The following NUP93 variants were observed in gnomAD, a reference collection of about 807,000 sequenced individuals.
The protein encoded by NUP93 is nucleoporin 93.
Under a neutral mutation model 107.8 loss-of-function variants are expected in NUP93, and 55 were observed. That is an observed-to-expected ratio of 0.51 (90% CI 0.41 to 0.64). The LOEUF (loss-of-function observed/expected upper bound fraction) is 0.64, where lower values mean the gene tolerates loss of function less well. Ranked by LOEUF, NUP93 falls within the 30% of genes least tolerant of loss-of-function variation. The pLI, the probability that NUP93 is intolerant of heterozygous loss-of-function variation, is 0.00. For missense variants in NUP93, 937 were observed against 1,044.7 expected, an observed-to-expected ratio of 0.90 and a Z score of 1.42; for synonymous variants, 390 against 397.5, an observed-to-expected ratio of 0.98 and a Z score of 0.22.
chr16:56,747,120 T>C (rs1169919499), intron 1 of NUP93, among the ~76,000 whole-genome samples: 1 of 152,002 alleles, frequency 6.6e-6, no homozygotes, highest in Admixed American at 6.6e-5. Flanking sequence ...TGCCTCAGCT[T>C]CCCGAGTAGC....
chr16:56,785,596 G>T (rs1224499804), intron 3 of NUP93, among the ~76,000 whole-genome samples: 1 of 152,214 alleles, frequency 6.6e-6, no homozygotes, highest in African/African-American at 2.4e-5. Context: ...AAGCATGTCA[G>T]CCAGCTCGCT....
At chr16:56,807,157 T>C (rs1290356429) in intron 5 of NUP93, among the ~76,000 whole-genome samples, 5 of 152,202 alleles carry the variant, frequency 3.3e-5, no homozygotes, top group African/African-American at 9.6e-5. Context: ...CCGAACAGGC[T>C]TCTTACAGGT....
At chr16:56,832,190 C>A in intron 11 of NUP93, 105 bp from the exon 12 acceptor site, 1 of 1,257,446 alleles carries the variant, frequency 8.0e-7, no homozygotes, top group African/African-American at 1.5e-5. Flanking sequence ...TTAAACACAG[C>A]TTCTAGCTGA....
In NUP93 at chr16:56,847,204, G is replaced by A. The variant is rs1244454208; in HGVS notation, c.*2595G>A. On this transcript the variant is annotated 3_prime_UTR_variant, in exon 22 of 22. Transcript: ENST00000308159. ...TGTCCTACAAGCTGATTGTGCGATT[G>A]AGCACAGGCCTCTGGAATTGTGCAG... 1.3e-5 allele frequency: 2 copies of A among 152,248 alleles called. No homozygotes were observed. The highest frequency in any genetic ancestry group is 4.8e-5 in the African/African-American group (2 of 41,444). The allele number at this position is 152,248 out of a possible 1,614,324, so 9.4% of individuals were successfully genotyped here.
chr16:56,822,865 A>G (rs372411022), intron 7 of NUP93, among the ~76,000 whole-genome samples: 2 of 152,298 alleles, frequency 1.3e-5, no homozygotes, highest in African/African-American at 4.8e-5. Flanking sequence ...CAATCATTCC[A>G]CCACTTAGGA....
At chr16:56,776,479 T>C (rs535275572) in intron 3 of NUP93, among the ~76,000 whole-genome samples, 2 of 152,300 alleles carry the variant, frequency 1.3e-5, no homozygotes, top group South Asian at 2.1e-4. Context: ...AATATCTAGA[T>C]TTGTAAAAGA....
intron 2 of NUP93, among the ~76,000 whole-genome samples, chr16:56,750,353 T>C (rs1324065116): frequency 1.3e-5 from 2 of 152,164 alleles, no homozygotes; most frequent in Non-Finnish European, 2.9e-5. Flanking sequence ...ACATACAAGA[T>C]GAGGGCAGAA....
At chr16:56,844,099 G>A (rs1964076722) in intron 21 of NUP93, among the ~76,000 whole-genome samples, 1 of 152,336 alleles carries the variant, frequency 6.6e-6, no homozygotes, top group African/African-American at 2.4e-5. Context: ...TGGGGCTCTG[G>A]AGAGTCAGAT....
chr16:56,756,420 T>C (rs533548473), intron 2 of NUP93, among the ~76,000 whole-genome samples: 1 of 151,914 alleles, frequency 6.6e-6, no homozygotes, highest in East Asian at 1.9e-4. Flanking sequence ...TGTGTTAGTT[T>C]GCTGAGAATG....
chr16:56,747,084 C>T (rs531212076), intron 1 of NUP93, among the ~76,000 whole-genome samples: 2 of 151,754 alleles, frequency 1.3e-5, no homozygotes, highest in South Asian at 2.1e-4. Context: ...TGCACTCTTC[C>T]GCCCCCCAGG....
chr16:56,762,279 C>T (rs1007729796), intron 3 of NUP93, among the ~76,000 whole-genome samples: 3 of 152,146 alleles, frequency 2.0e-5, no homozygotes, highest in Non-Finnish European at 4.4e-5. Context: ...TTTACGTAGT[C>T]CAGTTATATT....
In NUP93 at chr16:56,833,399, T is replaced by C. The variant is rs755995392; in HGVS notation, c.1530T>C (p.Ala510=). ...TTTTAAAGTCCTCTGGACAGAGTGC[T>C]CAGCTCCGTGAGTATTTGGGATTGG... ...KLLLKSSGQS[A]QLLSHEPGDP... is the part of the protein sequence containing the mutation. The change falls in exon 13 of 22, where the codon GCT becomes GCC. Residue 510 remains alanine (A), a synonymous_variant. Transcript: ENST00000308159. The C allele has an allele frequency of 6.5e-7, 1 of 1,532,438 alleles. No individual in the cohort carries two copies. Among genetic ancestry groups the C allele is most frequent in the Non-Finnish European group, 8.7e-7 (1 of 1,147,034 alleles). 94.9% of individuals were successfully genotyped at this position (1,532,438 alleles called of 1,614,324 possible).
chr16:56,807,014 T>G (rs1226706982), intron 5 of NUP93, among the ~76,000 whole-genome samples: 1 of 152,198 alleles, frequency 6.6e-6, no homozygotes, highest in African/African-American at 2.4e-5. Context: ...CTCAGAACCC[T>G]TCAGTGACTC....
intron 2 of NUP93, among the ~76,000 whole-genome samples, chr16:56,755,792 T>C (rs989890720): frequency 6.6e-5 from 10 of 152,196 alleles, no homozygotes; most frequent in Non-Finnish European, 1.5e-5. Flanking sequence ...CAAGAATTGC[T>C]TGAACCTGGG....
chr16:56,827,611 A>G (rs1963695019), intron 8 of NUP93, among the ~76,000 whole-genome samples: 1 of 152,228 alleles, frequency 6.6e-6, no homozygotes, highest in African/African-American at 2.4e-5. Context: ...AAGTGCCAGC[A>G]TTAGCTATGT....
In NUP93 at chr16:56,832,590, T is replaced by C. The variant is rs12918918; in HGVS notation, c.1345+202T>C. 0.23 allele frequency among the ~76,000 whole-genome samples: 35,426 copies of C among 152,140 alleles called. 4,421 individuals carry two copies. The highest frequency in any genetic ancestry group is 0.27 in the Non-Finnish European group (18,243 of 67,984). Reference sequence around the variant, plus strand: ...GGCCTTAAGAAATACATAAAACTTATATGGTCATACACAATAATCTGTTTT... The same window carrying C: ...GGCCTTAAGAAATACATAAAACTTACATGGTCATACACAATAATCTGTTTT... On this transcript the variant is annotated intron_variant, in intron 12 of 21. Coordinates refer to ENST00000308159, the MANE Select transcript of NUP93 (RefSeq NM_014669.5).
intron 3 of NUP93, among the ~76,000 whole-genome samples, chr16:56,773,347 G>A (rs1962356276): frequency 6.6e-6 from 1 of 152,178 alleles, no homozygotes; most frequent in South Asian, 2.1e-4. Flanking sequence ...TGAGGATGGG[G>A]CAGTGTTATG....
Position 56,850,002 on chromosome 16 carries a change from G to C in NUP93, c.*5393G>C, listed in dbSNP as rs1399275849. On this transcript the variant is annotated 3_prime_UTR_variant, in exon 22 of 22. Transcript: ENST00000308159. ...CTGTGTATTTTAGAAAGAAAGGAAA[G>C]AGCCAAAGTACAGCCTTTTCTCACT... 6.6e-6 allele frequency: 1 copy of C among 152,244 alleles called. No individual in the cohort carries two copies. The highest frequency in any genetic ancestry group is 1.5e-5 in the Non-Finnish European group (1 of 68,046). 9.4% of individuals were successfully genotyped at this position (152,244 alleles called of 1,614,324 possible). A position where few individuals can be genotyped will look rare whatever the true frequency, so the allele number is the denominator to read the frequency against.
At chr16:56,745,090 T>C (rs1362967055) in intron 1 of NUP93, among the ~76,000 whole-genome samples, 3 of 152,052 alleles carry the variant, frequency 2.0e-5, no homozygotes, top group Non-Finnish European at 2.9e-5. Context: ...GTAAAGGAGA[T>C]GGGGGATTGC....
Sources: allele counts gnomAD v4.1 joint callset (sites outside exome capture counted in the v4.1 genomes callset), GRCh38; gene constraint gnomAD v4.1.1; transcripts MANE v1.5; gene names NCBI Gene and HGNC (gene_info 2026-07-23, HGNC 2026-07-21).